DSCAM: variants seen among roughly 807,000 people sequenced by gnomAD.
DSCAM encodes cell adhesion molecule DSCAM.
Under a neutral mutation model 217.7 loss-of-function variants are expected in DSCAM, and 47 were observed. The observed-to-expected ratio is 0.22, with a 90% CI of 0.17 to 0.28. The LOEUF is 0.28. Among genes scored for constraint, DSCAM ranks in the 10% least tolerant of loss-of-function variants. DSCAM has a pLI of 1.00. For synonymous variants in DSCAM, 1,056 were observed against 1,015.3 expected (o/e 1.04, Z -0.76); for missense variants, 2,080 against 2,618.3 (o/e 0.79, Z 4.49).
At chr21:40,146,057 G>A (rs9978469) in intron 16 of DSCAM, among the ~76,000 whole-genome samples, 71,910 of 151,862 alleles carry the variant, frequency 0.47, 19,652 homozygotes, top group South Asian at 0.63. Flanking sequence ...CTATGGATCT[G>A]GATCTCTCAA....
chr21:40,462,288 G>A (rs954552836), intron 3 of DSCAM, among the ~76,000 whole-genome samples: 27 of 152,178 alleles, frequency 1.8e-4, no homozygotes, highest in Non-Finnish European at 1.5e-4. Context: ...AAGACCAGTA[G>A]CAGAAGTGTC....
chr21:40,416,781 G>T (rs928854059), intron 3 of DSCAM, among the ~76,000 whole-genome samples: 4 of 152,126 alleles, frequency 2.6e-5, no homozygotes, highest in Non-Finnish European at 4.4e-5. Context: ...ACTCTCTAGT[G>T]GTTGGATTAT....
rs2073950920 is a variant in DSCAM at position 40,296,086 on chromosome 21, A to C, written c.2151T>G (p.Pro717=). ...AGAATTTCCACACGATGGTAGGTAC[A>C]GGGTAACCCTCAGCAGAACAATTGA... The part of the protein sequence containing the change: ...VILNCSAEGY[P]VPTIVWKFSK... Residue 717 remains proline, a synonymous_variant, in exon 10 of 33, where the codon CCT becomes CCG. Transcript: ENST00000400454. The C allele has an allele frequency of 4.3e-6, 7 of 1,614,122 alleles. No homozygotes were observed. The South Asian group carries it at 7.7e-5, about 18-fold the overall frequency.
At chr21:40,348,208 C>CAATCACACT (rs2074582806) in intron 5 of DSCAM, among the ~76,000 whole-genome samples, 2 of 152,220 alleles carry the variant, frequency 1.3e-5, no homozygotes, top group African/African-American at 2.4e-5. Flanking sequence ...GCAATCGTAC[C>CAATCACACT]CCACACAGTT....
At chr21:40,071,042 C>T (rs942138198) in intron 27 of DSCAM, among the ~76,000 whole-genome samples, 3 of 152,180 alleles carry the variant, frequency 2.0e-5, no homozygotes, top group African/African-American at 7.2e-5. Flanking sequence ...TAACTGGTGC[C>T]AACAGAAGCT....
intron 1 of DSCAM, among the ~76,000 whole-genome samples, chr21:40,754,019 G>T (rs1157262644): frequency 1.3e-5 from 2 of 152,160 alleles, no homozygotes; most frequent in Admixed American, 6.5e-5. Context: ...GTTGCTATGG[G>T]CAGTGAACCT....
chr21:40,239,774 A>C (rs560230264), intron 11 of DSCAM, among the ~76,000 whole-genome samples: 4 of 152,324 alleles, frequency 2.6e-5, no homozygotes, highest in East Asian at 3.9e-4. Flanking sequence ...AGCACTCAAA[A>C]GTTGTATGCA....
chr21:40,676,317 G>A (rs1438103531), intron 3 of DSCAM, among the ~76,000 whole-genome samples: 2 of 152,172 alleles, frequency 1.3e-5, no homozygotes, highest in Non-Finnish European at 2.9e-5. Context: ...AGCATGTGCA[G>A]AGTCCTATCA....
chr21:40,506,105 T>C (rs147555371), intron 3 of DSCAM, among the ~76,000 whole-genome samples: 113 of 152,356 alleles, frequency 7.4e-4, no homozygotes, highest in African/African-American at 2.4e-3. Flanking sequence ...ACTTTTTTAC[T>C]AACGCACTTC....
chr21:40,224,760 C>T (rs422643), intron 11 of DSCAM, among the ~76,000 whole-genome samples: 84,157 of 152,030 alleles, frequency 0.55, 25,251 homozygotes, highest in African/African-American at 0.8. Flanking sequence ...ATCAGAGACA[C>T]TGCATCCTCT....
At chr21:40,589,759 A>G (rs748779516) in intron 3 of DSCAM, among the ~76,000 whole-genome samples, 13 of 152,228 alleles carry the variant, frequency 8.5e-5, no homozygotes, top group Non-Finnish European at 1.8e-4. Context: ...TTTGCAATCT[A>G]GCATGTGCGG....
At chr21:40,068,757 AT>A (rs1290108211) in intron 27 of DSCAM, among the ~76,000 whole-genome samples, 2 of 152,078 alleles carry the variant, frequency 1.3e-5, no homozygotes, top group Admixed American at 1.3e-4. Context: ...ATTCTGGATA[AT>A]TCTATAGCTG....
At chr21:40,688,750 G>T (rs1214348904) in intron 3 of DSCAM, among the ~76,000 whole-genome samples, 2 of 152,184 alleles carry the variant, frequency 1.3e-5, no homozygotes, top group Non-Finnish European at 2.9e-5. Flanking sequence ...TAAGGCCCCA[G>T]GGCCCAGGGA....
intron 3 of DSCAM, among the ~76,000 whole-genome samples, chr21:40,518,050 C>T (rs2076317519): frequency 6.6e-6 from 1 of 151,770 alleles, no homozygotes; most frequent in Non-Finnish European, 1.5e-5. Context: ...AGAGGGTGGG[C>T]ACACCTTGGG....
chr21:40,846,716 C>T lies in DSCAM; in HGVS notation c.-55G>A. 3 of 935,384 alleles carry T rather than the reference C, an allele frequency of 3.2e-6. No homozygotes were observed. The highest frequency in any genetic ancestry group is 4.8e-5 in the South Asian group (1 of 20,716). 57.9% of individuals were successfully genotyped at this position (935,384 alleles called of 1,614,324 possible). A position where few individuals can be genotyped will look rare whatever the true frequency, so the allele number is the denominator to read the frequency against. ...CGACGCGCCGGCCTCGCCCCCCGCG[C>T]TCCGCCCGGCCCGGCTCCGCTCGCC... On this transcript the variant is annotated 5_prime_UTR_variant, in exon 1 of 33. Transcript: ENST00000400454.
chr21:40,153,194 A>T (rs1467362003), intron 16 of DSCAM, among the ~76,000 whole-genome samples: 1 of 152,150 alleles, frequency 6.6e-6, no homozygotes, highest in Non-Finnish European at 1.5e-5. Context: ...TGCTCAGTGA[A>T]TGGGTGCATC....
At chr21:40,397,395 T>G (rs1335148020) in intron 3 of DSCAM, among the ~76,000 whole-genome samples, 1 of 151,962 alleles carries the variant, frequency 6.6e-6, no homozygotes, top group African/African-American at 2.4e-5. Context: ...TCCCTCTCAC[T>G]CTCTCCCTTG....
chr21:40,263,271 A>AT (rs1425896317), intron 11 of DSCAM, among the ~76,000 whole-genome samples: 1 of 152,208 alleles, frequency 6.6e-6, no homozygotes, highest in Non-Finnish European at 1.5e-5. Flanking sequence ...CTTAATGGTT[A>AT]TTTTTGAAAT....
chr21:40,599,674 T>C (rs1601777783), intron 3 of DSCAM, among the ~76,000 whole-genome samples: 2 of 152,228 alleles, frequency 1.3e-5, no homozygotes, highest in Admixed American at 6.5e-5. Flanking sequence ...ATCCAGGAGC[T>C]GGTTTTTTGA....
Sources: gnomAD v4.1 joint callset for allele counts (sites outside exome capture counted in the v4.1 genomes callset) on GRCh38, gnomAD v4.1.1 for gene constraint, MANE v1.5 for transcripts, NCBI Gene and HGNC (gene_info 2026-07-23, HGNC 2026-07-21) for gene names.